Variants in SERINC1 observed in about 807,000 individuals in gnomAD.
The protein encoded by SERINC1 is tumor differentially expressed protein 2.
Under a neutral mutation model 52.9 loss-of-function variants are expected in SERINC1, and 38 were observed. That is an observed-to-expected ratio of 0.72 (90% CI 0.55 to 0.94). The LOEUF is 0.94. SERINC1 is among the 40% of genes least tolerant of loss of function. The pLI, the probability that SERINC1 is intolerant of heterozygous loss-of-function variation, is 0.00. For missense variants in SERINC1, 471 were observed against 533.9 expected, an observed-to-expected ratio of 0.88 and a Z score of 1.16; for synonymous variants, 198 against 183.1, an observed-to-expected ratio of 1.08 and a Z score of -0.66.
intron 1 of SERINC1, among the ~76,000 whole-genome samples, chr6:122,462,457 A>T (rs537358873): frequency 2.0e-5 from 3 of 152,308 alleles, no homozygotes; most frequent in Admixed American, 2.0e-4. Context: ...AACTGTCTAT[A>T]TAGAAAATCC....
chr6:122,466,219 T>C (rs1007740700), intron 1 of SERINC1, among the ~76,000 whole-genome samples: 1 of 152,162 alleles, frequency 6.6e-6, no homozygotes, highest in Non-Finnish European at 1.5e-5. Flanking sequence ...CTACGCTCCA[T>C]CCCGGGCAAC....
intron 1 of SERINC1, among the ~76,000 whole-genome samples, chr6:122,469,201 T>C (rs1029504267): frequency 1.3e-5 from 2 of 152,156 alleles, no homozygotes; most frequent in Non-Finnish European, 2.9e-5. Flanking sequence ...TGTCTCTTTA[T>C]AGTTCAGACA....
intron 1 of SERINC1, among the ~76,000 whole-genome samples, chr6:122,460,805 T>C (rs1775088424): frequency 6.6e-6 from 1 of 152,190 alleles, no homozygotes; most frequent in African/African-American, 2.4e-5. Flanking sequence ...AAATAGGGCA[T>C]TGTAGTATTA....
intron 2 of SERINC1, among the ~76,000 whole-genome samples, chr6:122,458,269 T>G (rs1051542814): frequency 6.6e-6 from 1 of 152,160 alleles, no homozygotes; most frequent in African/African-American, 2.4e-5. Context: ...CATGACCCAT[T>G]GAGATTCTGA....
intron 9 of SERINC1, among the ~76,000 whole-genome samples, chr6:122,445,593 G>C (rs1483934496): frequency 9.6e-6 from 1 of 104,556 alleles, no homozygotes; most frequent in East Asian, 3.3e-4. Context: ...TCAGAATTAA[G>C]AGACTGGTAT....
intron 9 of SERINC1, among the ~76,000 whole-genome samples, chr6:122,446,297 G>C (rs1359308915): frequency 6.6e-6 from 1 of 151,872 alleles, no homozygotes; most frequent in African/African-American, 2.4e-5. Flanking sequence ...TGTAGAATTT[G>C]TAGAAATTGT....
chr6:122,467,530 C>T (rs949208187), intron 1 of SERINC1, among the ~76,000 whole-genome samples: 2 of 152,088 alleles, frequency 1.3e-5, no homozygotes, highest in Admixed American at 6.5e-5. Context: ...CACTTGAACC[C>T]GGAAGGTTCA....
intron 1 of SERINC1, among the ~76,000 whole-genome samples, chr6:122,467,326 T>A (rs1430708989): frequency 6.6e-6 from 1 of 152,092 alleles, no homozygotes; most frequent in African/African-American, 2.4e-5. Context: ...GAAAATAGGC[T>A]GGGTGCGGTG....
intron 1 of SERINC1, 135 bp from the exon 2 acceptor site, chr6:122,458,816 C>T (rs960572995): frequency 3.5e-5 from 21 of 604,058 alleles, no homozygotes; most frequent in Admixed American, 1.7e-4. Flanking sequence ...AAGGGACATA[C>T]GGTATTTGGT....
intron 1 of SERINC1, among the ~76,000 whole-genome samples, chr6:122,460,262 TA>T (rs943907189): frequency 9.9e-5 from 15 of 152,128 alleles, no homozygotes; most frequent in African/African-American, 3.6e-4. Flanking sequence ...TTTGTAGTTT[TA>T]GTAGACAGGG....
In SERINC1 at chr6:122,461,883, G is replaced by T. The variant is rs1243901246; in HGVS notation, c.40-3202C>A. 2.0e-5 allele frequency among the ~76,000 whole-genome samples: 3 copies of T among 152,024 alleles called. No individual in the cohort carries two copies. In the East Asian group the frequency reaches 5.8e-4, roughly 29 times the overall value. ...ACATATTCTTCTTATTTAAAAAAATGGGCCAGAATTACAGAGACTAAATCC... is the reference window on the plus strand; with the variant it reads ...ACATATTCTTCTTATTTAAAAAAATTGGCCAGAATTACAGAGACTAAATCC... On this transcript the variant is annotated intron_variant, in intron 1 of 9. Coordinates refer to ENST00000339697, the MANE Select transcript of SERINC1 (RefSeq NM_020755.4).
intron 1 of SERINC1, among the ~76,000 whole-genome samples, chr6:122,465,426 A>G (rs567051003): frequency 6.6e-6 from 1 of 152,322 alleles, no homozygotes; most frequent in East Asian, 1.9e-4. Flanking sequence ...AGTTGACAGA[A>G]GGGGTTCCAT....
chr6:122,468,384 C>T (rs1483497812), intron 1 of SERINC1, among the ~76,000 whole-genome samples: 1 of 152,146 alleles, frequency 6.6e-6, no homozygotes, highest in Non-Finnish European at 1.5e-5. Flanking sequence ...ACGCCTCACC[C>T]CAGGTTGTGA....
chr6:122,453,947 T>C, intron 4 of SERINC1, 40 bp from the exon 5 acceptor site: 5 of 1,535,800 alleles, frequency 3.3e-6, no homozygotes, highest in Non-Finnish European at 4.4e-6. Context: ...ATTGGTTAGT[T>C]TGATTTTTAT....
intron 1 of SERINC1, among the ~76,000 whole-genome samples, chr6:122,468,064 T>C (rs1775216653): frequency 6.6e-6 from 1 of 152,176 alleles, no homozygotes; most frequent in Non-Finnish European, 1.5e-5. Flanking sequence ...TAGAGAAGTA[T>C]GTACATACAG....
chr6:122,461,549 C>T (rs1775100669), intron 1 of SERINC1, among the ~76,000 whole-genome samples: 1 of 150,844 alleles, frequency 6.6e-6, no homozygotes, highest in Non-Finnish European at 1.5e-5. Context: ...GGGAGATATA[C>T]CTAATGCTAG....
At chr6:122,445,617 C>A (rs1199589743) in intron 9 of SERINC1, among the ~76,000 whole-genome samples, 16 of 126,740 alleles carry the variant, frequency 1.3e-4, no homozygotes, top group African/African-American at 4.7e-4. Flanking sequence ...TCAGAGATAT[C>A]TCCTTAAAAA....
intron 6 of SERINC1, 22 bp from the exon 7 acceptor site, chr6:122,451,776 A>AAAAAAAAATATATATATATATAT: frequency 8.0e-5 from 9 of 113,074 alleles, no homozygotes; most frequent in East Asian, 3.4e-4. Flanking sequence ...AAAAAAAAAA[A>AAAAAAAAATATATATATATATAT]ATATATATAT....
At chr6:122,458,937 A>G (rs920663358) in intron 1 of SERINC1, among the ~76,000 whole-genome samples, 1 of 152,146 alleles carries the variant, frequency 6.6e-6, no homozygotes, top group Non-Finnish European at 1.5e-5. Flanking sequence ...AGCTAAAACA[A>G]AAAGGGGAAA....
Sources: gnomAD v4.1 joint callset for allele counts (sites outside exome capture counted in the v4.1 genomes callset) on GRCh38, gnomAD v4.1.1 for gene constraint, MANE v1.5 for transcripts, NCBI Gene and HGNC (gene_info 2026-07-23, HGNC 2026-07-21) for gene names.